RAP1GDS1: variants seen among roughly 807,000 people sequenced by gnomAD.
The protein encoded by RAP1GDS1 is Rap1 GTPase-GDP dissociation stimulator 1.
RAP1GDS1 carries 35 observed loss-of-function variants against 71.1 expected under a neutral mutation model. That is an observed-to-expected ratio of 0.49 (90% CI 0.38 to 0.65). The LOEUF is 0.65. Ranked by LOEUF, RAP1GDS1 falls within the 30% of genes least tolerant of loss-of-function variation. RAP1GDS1 has a pLI of 0.00. For synonymous variants in RAP1GDS1, 229 were observed against 243.1 expected (o/e 0.94, Z 0.54); for missense variants, 663 against 706.1 (o/e 0.94, Z 0.69).
intron 4 of RAP1GDS1, among the ~76,000 whole-genome samples, chr4:98,370,531 T>A (rs917114500): frequency 2.0e-5 from 3 of 152,056 alleles, no homozygotes; most frequent in African/African-American, 4.8e-5. Flanking sequence ...CTCTTCTCTA[T>A]GCTTCTGTAA....
At chr4:98,371,986 G>A (rs1159181210) in intron 4 of RAP1GDS1, among the ~76,000 whole-genome samples, 1 of 151,988 alleles carries the variant, frequency 6.6e-6, no homozygotes, top group Non-Finnish European at 1.5e-5. Flanking sequence ...ATCTTTCTGT[G>A]GTTGGCTTCA....
intron 6 of RAP1GDS1, among the ~76,000 whole-genome samples, chr4:98,395,120 T>C (rs1174157606): frequency 6.6e-6 from 1 of 152,182 alleles, no homozygotes; most frequent in Non-Finnish European, 1.5e-5. Flanking sequence ...AAAATAATTC[T>C]TGATGTACAT....
chr4:98,419,260 C>G (rs1748463961), intron 10 of RAP1GDS1, among the ~76,000 whole-genome samples: 2 of 151,918 alleles, frequency 1.3e-5, no homozygotes, highest in African/African-American at 4.8e-5. Context: ...CACTATGTTG[C>G]CTAGGCTGGT....
intron 6 of RAP1GDS1, among the ~76,000 whole-genome samples, chr4:98,393,986 T>C (rs1385700373): frequency 6.6e-6 from 1 of 152,174 alleles, no homozygotes; most frequent in Non-Finnish European, 1.5e-5. Context: ...GAAAATGAAG[T>C]GCAACAGAAT....
Position 98,443,195 on chromosome 4 carries a change from A to T in RAP1GDS1, c.*1078A>T, listed in dbSNP as rs1752099801. 4.3e-6 allele frequency: 1 copy of T among 232,566 alleles called. No homozygotes were observed. Among genetic ancestry groups the T allele is most frequent in the Admixed American group, 5.6e-5 (1 of 17,754 alleles). The allele number at this position is 232,566 out of a possible 1,614,324, so 14.4% of individuals were successfully genotyped here. A position where few individuals can be genotyped will look rare whatever the true frequency, so the allele number is the denominator to read the frequency against. ...GCAGGTTATAAAAGCCATAGTAGCC[A>T]GTCCAGTTCATTCTGCAGATGGCCC... On this transcript the variant is annotated 3_prime_UTR_variant, in exon 15 of 15. Coordinates refer to ENST00000408927, the MANE Select transcript of RAP1GDS1 (RefSeq NM_001100427.2).
chr4:98,352,663 C>T, intron 4 of RAP1GDS1, 62 bp downstream of exon 4: 1 of 1,574,508 alleles, frequency 6.4e-7, no homozygotes, highest in Non-Finnish European at 8.7e-7. Flanking sequence ...TCAGACTAAT[C>T]TGCTTTTGTG....
chr4:98,423,705 C>T (rs556843808), intron 12 of RAP1GDS1, among the ~76,000 whole-genome samples: 30 of 151,998 alleles, frequency 2.0e-4, no homozygotes, highest in African/African-American at 7.0e-4. Context: ...CCACCATGCC[C>T]GGCTAATTTT....
intron 1 of RAP1GDS1, among the ~76,000 whole-genome samples, chr4:98,281,423 G>A (rs1323849857): frequency 6.6e-6 from 1 of 152,172 alleles, no homozygotes; most frequent in African/African-American, 2.4e-5. Flanking sequence ...TGTTATTGGT[G>A]TATAGGAATG....
intron 2 of RAP1GDS1, among the ~76,000 whole-genome samples, chr4:98,299,784 G>A (rs910438605): frequency 4.0e-5 from 6 of 151,772 alleles, no homozygotes; most frequent in African/African-American, 9.7e-5. Flanking sequence ...ACAGGCACGC[G>A]CCACCATGCC....
chr4:98,434,005 G>T lies in RAP1GDS1; in HGVS notation c.1510G>T (p.Val504Leu). 1 of 1,613,748 alleles carries T rather than the reference G, an allele frequency of 6.2e-7. No individual in the cohort carries two copies. Among genetic ancestry groups the T allele is most frequent in the South Asian group, 1.1e-5 (1 of 91,070 alleles). The change falls in exon 13 of 15, where the codon GTA becomes TTA. Residue 504 changes from valine (V) to leucine (L), a missense_variant. By Grantham distance (32) the Val-to-Leu change is conservative (BLOSUM62 1). Coordinates refer to ENST00000408927, the MANE Select transcript of RAP1GDS1 (RefSeq NM_001100427.2). The part of the protein sequence containing the change: ...HLVTMATSEH[V>L]IMQNEALVAL... ...AGTTACCATGGCAACTAGTGAACATGTAATAATGCAGAATGAAGCTCTTGT... is the reference window on the plus strand; with the variant it reads ...AGTTACCATGGCAACTAGTGAACATTTAATAATGCAGAATGAAGCTCTTGT...
At chr4:98,428,062 C>G (rs1042856537) in intron 12 of RAP1GDS1, among the ~76,000 whole-genome samples, 1 of 152,152 alleles carries the variant, frequency 6.6e-6, no homozygotes. Flanking sequence ...CAAATACTTA[C>G]AGCCAACTGA....
chr4:98,283,416 C>A (rs1725472515), intron 1 of RAP1GDS1, among the ~76,000 whole-genome samples: 2 of 146,210 alleles, frequency 1.4e-5, no homozygotes, highest in South Asian at 4.2e-4. Flanking sequence ...TACAAAGCAC[C>A]ATCAGTCAAA....
At chr4:98,366,185 A>G (rs1463634314) in intron 4 of RAP1GDS1, among the ~76,000 whole-genome samples, 3 of 152,134 alleles carry the variant, frequency 2.0e-5, no homozygotes, top group African/African-American at 4.8e-5. Flanking sequence ...AGGTAATTGA[A>G]TCATGGGGGC....
chr4:98,372,372 G>A (rs1740513390), intron 4 of RAP1GDS1, among the ~76,000 whole-genome samples: 1 of 152,108 alleles, frequency 6.6e-6, no homozygotes, highest in African/African-American at 2.4e-5. Flanking sequence ...TCACCATGTT[G>A]GCCAGGCTGA....
At chr4:98,347,497 A>C (rs1037781743) in intron 3 of RAP1GDS1, among the ~76,000 whole-genome samples, 3 of 152,244 alleles carry the variant, frequency 2.0e-5, no homozygotes, top group Non-Finnish European at 2.9e-5. Context: ...TTGAATTTCT[A>C]CATTAACCTA....
At chr4:98,301,049 G>A (rs75558882) in intron 2 of RAP1GDS1, among the ~76,000 whole-genome samples, 2,940 of 151,658 alleles carry the variant, frequency 0.019, 104 homozygotes, top group African/African-American at 0.068. Context: ...TACTCCTGCT[G>A]TTTTAGTAGA....
chr4:98,277,932 G>A (rs954505365), intron 1 of RAP1GDS1, among the ~76,000 whole-genome samples: 2 of 152,218 alleles, frequency 1.3e-5, no homozygotes, highest in African/African-American at 2.4e-5. Context: ...AATTTCTGAT[G>A]AAAATACGCT....
intron 13 of RAP1GDS1, among the ~76,000 whole-genome samples, chr4:98,436,503 CCTTAT>C (rs1322547056): frequency 3.3e-5 from 5 of 152,008 alleles, no homozygotes; most frequent in African/African-American, 1.2e-4. Context: ...TCCACTGAGT[CCTTAT>C]CTTTTATTTG....
intron 2 of RAP1GDS1, among the ~76,000 whole-genome samples, chr4:98,332,494 C>G (rs1206086588): frequency 3.9e-5 from 6 of 152,068 alleles, no homozygotes; most frequent in Admixed American, 2.0e-4. Flanking sequence ...GTTATTGTCC[C>G]AGCTAAACAA....
Sources: gnomAD v4.1 joint callset for allele counts (sites outside exome capture counted in the v4.1 genomes callset) on GRCh38, gnomAD v4.1.1 for gene constraint, MANE v1.5 for transcripts, NCBI Gene and HGNC (gene_info 2026-07-23, HGNC 2026-07-21) for gene names.